HERC5: variants seen among roughly 807,000 people sequenced by gnomAD.
HERC5 encodes E3 ISG15--protein ligase HERC5.
HERC5 carries 99 observed loss-of-function variants against 119.6 expected under a neutral mutation model. The ratio of observed to expected loss-of-function variants is 0.83; its 90% CI spans 0.70 to 0.98. The LOEUF is 0.98. Among genes scored for constraint, HERC5 ranks in the 50% least tolerant of loss-of-function variants. HERC5 has a pLI of 0.00. For synonymous variants in HERC5, 478 were observed against 445.9 expected (o/e 1.07, Z -0.91); for missense variants, 1,267 against 1,241.3 (o/e 1.02, Z -0.31).
chr4:88,485,643 A>G (rs1449849743), intron 13 of HERC5, among the ~76,000 whole-genome samples: 1 of 152,200 alleles, frequency 6.6e-6, no homozygotes, highest in African/African-American at 2.4e-5. Context: ...ACGACATGCC[A>G]GGGTGTTCAT....
chr4:88,492,695 G>A (rs1267857081), intron 16 of HERC5, among the ~76,000 whole-genome samples: 1 of 152,020 alleles, frequency 6.6e-6, no homozygotes, highest in East Asian at 1.9e-4. Flanking sequence ...GCAGTGAGCC[G>A]AGATCAGACC....
intron 6 of HERC5, among the ~76,000 whole-genome samples, chr4:88,464,835 A>G (rs551490995): frequency 6.6e-6 from 1 of 152,146 alleles, no homozygotes; most frequent in African/African-American, 2.4e-5. Context: ...CGGTGGCGCA[A>G]TCTCGGCTCA....
intron 18 of HERC5, among the ~76,000 whole-genome samples, chr4:88,494,899 A>G (rs748284623): frequency 1.3e-5 from 2 of 152,214 alleles, no homozygotes; most frequent in African/African-American, 4.8e-5. Context: ...GCTAATTTAT[A>G]CTTCAAGTTG....
chr4:88,462,863 T>G (rs770276177), intron 4 of HERC5, among the ~76,000 whole-genome samples: 1 of 152,196 alleles, frequency 6.6e-6, no homozygotes, highest in Non-Finnish European at 1.5e-5. Flanking sequence ...GTAATTTCCA[T>G]TATTGAACAA....
intron 10 of HERC5, among the ~76,000 whole-genome samples, chr4:88,471,468 G>A (rs562330655): frequency 2.0e-5 from 3 of 151,666 alleles, no homozygotes; most frequent in African/African-American, 4.8e-5. Context: ...AGCCTTCCAC[G>A]TAGCTGGGAC....
chr4:88,457,342 C>A lies in HERC5; in HGVS notation c.73C>A (p.Pro25Thr). The change falls in exon 1 of 23, where the codon CCC (proline) becomes ACC (threonine). Residue 25 changes from proline (P) to threonine (T), a missense_variant. By Grantham distance (38) the Pro-to-Thr change is conservative (BLOSUM62 -1). Transcript: ENST00000264350. ...STAGKAAATQ[P>T]AKSPGAQLWL... ...CGCGGGCAAGGCCGCCGCGACCCAGCCCGCGAAGTCTCCGGGCGCACAGCT... is the reference window on the plus strand; with the variant it reads ...CGCGGGCAAGGCCGCCGCGACCCAGACCGCGAAGTCTCCGGGCGCACAGCT... The A allele has an allele frequency of 2.1e-6, 3 of 1,414,212 alleles. No individual in the cohort carries two copies. Among genetic ancestry groups the A allele is most frequent in the Non-Finnish European group, 2.8e-6 (3 of 1,086,040 alleles). 87.6% of individuals were successfully genotyped at this position (1,414,212 alleles called of 1,614,324 possible).
intron 6 of HERC5, among the ~76,000 whole-genome samples, chr4:88,466,556 G>A (rs1221370573): frequency 1.3e-5 from 2 of 152,194 alleles, no homozygotes; most frequent in Non-Finnish European, 2.9e-5. Flanking sequence ...GGGGAATTCT[G>A]TGGGTTTAGA....
intron 22 of HERC5, 92 bp from the exon 23 acceptor site, chr4:88,505,581 G>C: frequency 1.4e-6 from 1 of 719,934 alleles, no homozygotes; most frequent in South Asian, 1.9e-5. Flanking sequence ...ATGGGCTCCA[G>C]TGAAGTTTTG....
intron 1 of HERC5, 99 bp from the exon 2 acceptor site, chr4:88,459,248 A>T (rs1052040266): frequency 9.5e-7 from 1 of 1,054,814 alleles, no homozygotes; most frequent in Non-Finnish European, 1.3e-6. Flanking sequence ...TGTCTAGTTG[A>T]AATTTTTCCC....
intron 3 of HERC5, among the ~76,000 whole-genome samples, chr4:88,460,733 A>T (rs899516897): frequency 2.0e-5 from 3 of 152,216 alleles, no homozygotes; most frequent in African/African-American, 7.2e-5. Flanking sequence ...TAATGCCTAT[A>T]ATCCCAGCAC....
At chr4:88,464,414 C>T (rs1411178796) in intron 6 of HERC5, among the ~76,000 whole-genome samples, 2 of 151,848 alleles carry the variant, frequency 1.3e-5, no homozygotes, top group Admixed American at 1.3e-4. Context: ...TGTAGCCTGC[C>T]CTGATCACAG....
At position 88,493,129 on chromosome 4, in the gene HERC5, G is replaced by A. The variant is rs1053165376; in HGVS notation, c.2251G>A (p.Ala751Thr). ...EYGMFMYPEG[A>T]SCMWFPVKPK... is the part of the protein sequence containing the mutation. ...TGGGATGTTCATGTATCCTGAAGGG[G>A]CTTCCTGCATGTGGTTTCCTGTCAA... is the stretch of plus-strand genomic sequence containing the variant. The change falls in exon 17 of 23, where the codon GCT becomes ACT. Residue 751 changes from alanine to threonine, a missense_variant. This residue lies in a region of HERC5 where 473 missense variants were observed against 445.7 expected (regional missense o/e 1.06). Transcript: ENST00000264350. 3 of 1,613,714 alleles carry A rather than the reference G, an allele frequency of 1.9e-6. No individual in the cohort carries two copies. Among genetic ancestry groups the A allele is most frequent in the African/African-American group, 1.3e-5 (1 of 75,018 alleles).
Position 88,457,371 on chromosome 4 carries a change from G to T in HERC5, c.102G>T (p.Trp34Cys). 1 of 1,423,104 alleles carries T rather than the reference G, an allele frequency of 7.0e-7. No individual in the cohort carries two copies. Among genetic ancestry groups the T allele is most frequent in the East Asian group, 3.0e-5 (1 of 33,346 alleles). 88.2% of individuals were successfully genotyped at this position (1,423,104 alleles called of 1,614,324 possible). ...CGAAGTCTCCGGGCGCACAGCTCTG[G>T]CTCTTTCCCAGCGCCGCGGGCCTCC... ...QPAKSPGAQL[W>C]LFPSAAGLHR... Residue 34 changes from tryptophan to cysteine, a missense_variant, in exon 1 of 23, where the codon TGG becomes TGT. This residue lies in a region of HERC5 where 777 missense variants were observed against 758.0 expected (regional missense o/e 1.03). Transcript: ENST00000264350.
At chr4:88,457,907 T>G (rs1463164773) in intron 1 of HERC5, 4 of 1,029,408 alleles carry the variant, frequency 3.9e-6, no homozygotes, top group African/African-American at 1.7e-5. Flanking sequence ...AAGTAGTCAC[T>G]GCTCCAACTT....
intron 20 of HERC5, among the ~76,000 whole-genome samples, chr4:88,503,524 T>C (rs550845501): frequency 6.6e-6 from 1 of 152,336 alleles, no homozygotes; most frequent in South Asian, 2.1e-4. Flanking sequence ...GAGTGTTTCT[T>C]TAAGTTTCGT....
At chr4:88,478,887 T>G (rs1327327959) in intron 12 of HERC5, among the ~76,000 whole-genome samples, 1 of 152,114 alleles carries the variant, frequency 6.6e-6, no homozygotes, top group African/African-American at 2.4e-5. Flanking sequence ...GCTGGGATTG[T>G]AGGTGTGAGC....
rs199777857 is a variant in HERC5 at position 88,486,103 on chromosome 4, A to G, written c.1738-12A>G. The G allele has an allele frequency of 6.2e-4, 965 of 1,546,066 alleles. No homozygotes were observed. Among genetic ancestry groups the G allele is most frequent in the Non-Finnish European group, 6.6e-4 (746 of 1,128,304 alleles). ...AATATAAAACTTTTTCACAAGTCAT[A>G]TTTTATTTAAGGTAAACCAGGTGAA... On this transcript the variant is annotated splice_polypyrimidine_tract_variant and intron_variant, in intron 13 of 22. Coordinates refer to ENST00000264350, the MANE Select transcript of HERC5 (RefSeq NM_016323.4).
chr4:88,494,165 C>T lies in HERC5; in HGVS notation c.2278C>T (p.Pro760Ser), dbSNP rs1312726484. 3 of 1,593,108 alleles carry T rather than the reference C, an allele frequency of 1.9e-6. No homozygotes were observed. Among genetic ancestry groups the T allele is most frequent in the Non-Finnish European group, 8.5e-7 (1 of 1,172,132 alleles). The change falls in exon 18 of 23, where the codon CCT (proline) becomes TCT (serine). Residue 760 changes from proline (P) to serine (S), a missense_variant and splice_region_variant. Physicochemically the swap from Pro to Ser is moderately conservative, Grantham distance 74. Coordinates refer to ENST00000264350, the MANE Select transcript of HERC5 (RefSeq NM_016323.4). ...GASCMWFPVK[P>S]KFEKKRYFFF... ...TTAAGATTTTTTTTTCGCTTTTCAG[C>T]CTAAATTTGAGAAGAAAAGATACTT...
In HERC5 at chr4:88,462,384, T is replaced by A. The variant is rs769094768; in HGVS notation, c.688+28T>A. The A allele has an allele frequency of 1.7e-5, 27 of 1,557,954 alleles. No individual in the cohort carries two copies. In the East Asian group the frequency reaches 5.8e-4, roughly 34 times the overall value. On this transcript the variant is annotated intron_variant, in intron 4 of 22. Transcript: ENST00000264350. ...ATGGAACACATTCTCAGATTCCTAT[T>A]ACCAACAGATATACTTGTTAGATGA...
Sources: gnomAD v4.1 joint callset for allele counts (sites outside exome capture counted in the v4.1 genomes callset) on GRCh38, gnomAD v4.1.1 for gene constraint, gnomAD v4.1.1 regional missense constraint, MANE v1.5 for transcripts, NCBI Gene and HGNC (gene_info 2026-07-23, HGNC 2026-07-21) for gene names.